NUBPL: variants seen among roughly 807,000 people sequenced by gnomAD.
NUBPL encodes NUBP iron-sulfur cluster assembly factor, mitochondrial, also known as iron-sulfur cluster transfer protein NUBPL.
Under a neutral mutation model 45.7 loss-of-function variants are expected in NUBPL, and 31 were observed. The observed-to-expected ratio is 0.68, with a 90% CI of 0.51 to 0.92. The LOEUF (loss-of-function observed/expected upper bound fraction) is 0.92. NUBPL is among the 40% of genes least tolerant of loss of function. The pLI is 0.00. For synonymous variants in NUBPL, 144 were observed against 140.9 expected (o/e 1.02, Z -0.15); for missense variants, 401 against 398.7 (o/e 1.01, Z -0.05).
intron 4 of NUBPL, among the ~76,000 whole-genome samples, chr14:31,658,662 G>A (rs34977423): frequency 0.51 from 77,730 of 151,680 alleles, 21,472 homozygotes; most frequent in African/African-American, 0.74. Flanking sequence ...TCAGGCACGC[G>A]CTACCATGCC....
In NUBPL at chr14:31,565,038, CG is replaced by C; in HGVS notation, c.282del (p.Asn95ThrfsTer10). 6.5e-7 allele frequency: 1 copy of C among 1,549,306 alleles called. No homozygotes were observed. Among genetic ancestry groups the C allele is most frequent in the African/African-American group, 1.3e-5 (1 of 74,084 alleles). ...TAVNLALALA[A>X]NDSSKAIGLL... ...GTGAATCTTGCACTTGCACTAGCAGCGAACGATTCGGTAGGTGTTTATTAAT... is the reference window on the plus strand; with the variant it reads ...GTGAATCTTGCACTTGCACTAGCAGCAACGATTCGGTAGGTGTTTATTAAT... On this transcript the variant is annotated frameshift_variant, in exon 3 of 11. Coordinates refer to ENST00000281081, the MANE Select transcript of NUBPL (RefSeq NM_025152.3). LOFTEE classifies it high-confidence loss of function.
intron 8 of NUBPL, chr14:31,845,844 C>T (rs114565809): frequency 3.6e-4 from 55 of 154,482 alleles, no homozygotes; most frequent in African/African-American, 1.3e-3. Flanking sequence ...CTCTGTTCCT[C>T]CCTTCTTATT....
At chr14:31,691,532 C>T (rs2037094070) in intron 6 of NUBPL, among the ~76,000 whole-genome samples, 1 of 151,960 alleles carries the variant, frequency 6.6e-6, no homozygotes, top group Admixed American at 6.6e-5. Flanking sequence ...AATCTGGTAA[C>T]CCTAGATGGA....
intron 6 of NUBPL, among the ~76,000 whole-genome samples, chr14:31,715,995 A>T (rs1334707169): frequency 1.3e-5 from 2 of 151,318 alleles, no homozygotes; most frequent in East Asian, 3.9e-4. Context: ...TTCTGTTAAA[A>T]TTTTTTTTTC....
chr14:31,804,483 C>T (rs369059605), intron 7 of NUBPL, among the ~76,000 whole-genome samples: 19 of 152,236 alleles, frequency 1.2e-4, no homozygotes, highest in African/African-American at 4.6e-4. Context: ...TGTTTGAATT[C>T]CCTGAATACC....
rs531250458 is a variant in NUBPL, at chr14:31,827,443, T to G, written c.693+729T>G. Reference sequence around the variant, plus strand: ...GTTCTTAGAAAGAAGAACCTGTGTATGTAATGAACACACTCTCATCACCTT... The same window carrying G: ...GTTCTTAGAAAGAAGAACCTGTGTAGGTAATGAACACACTCTCATCACCTT... On this transcript the variant is annotated intron_variant, in intron 8 of 10. Coordinates refer to ENST00000281081, the MANE Select transcript of NUBPL (RefSeq NM_025152.3). 6.6e-4 allele frequency among the ~76,000 whole-genome samples: 101 copies of G among 152,136 alleles called. 1 individual carries two copies. The South Asian group carries it at 0.02, about 30-fold the overall frequency.
At chr14:31,855,906 T>C (rs79095821) in intron 10 of NUBPL, among the ~76,000 whole-genome samples, 2,249 of 152,294 alleles carry the variant, frequency 0.015, 37 homozygotes, top group African/African-American at 0.045. Flanking sequence ...TCCTTATCTG[T>C]AAAGTCGGGA....
chr14:31,574,358 G>A (rs201833262), intron 3 of NUBPL, among the ~76,000 whole-genome samples: 16 of 151,710 alleles, frequency 1.1e-4, no homozygotes, highest in African/African-American at 2.9e-4. Flanking sequence ...TCTGTCTCCC[G>A]GGTTCAGGGG....
At chr14:31,820,738 T>A (rs1595677491) in intron 7 of NUBPL, among the ~76,000 whole-genome samples, 1 of 150,646 alleles carries the variant, frequency 6.6e-6, no homozygotes, top group East Asian at 2.0e-4. Context: ...GCAAGAGAAT[T>A]GCTTGAATCC....
intron 6 of NUBPL, among the ~76,000 whole-genome samples, chr14:31,739,173 C>G (rs890425163): frequency 3.0e-5 from 4 of 134,508 alleles, no homozygotes; most frequent in Non-Finnish European, 6.3e-5. Context: ...GCCACCACAC[C>G]TGGCTAATAT....
At chr14:31,735,518 G>A (rs540787649) in intron 6 of NUBPL, among the ~76,000 whole-genome samples, 5 of 152,210 alleles carry the variant, frequency 3.3e-5, no homozygotes, top group African/African-American at 7.2e-5. Flanking sequence ...GTTTCCCACC[G>A]TTTTATTAAT....
Position 31,712,380 on chromosome 14 carries a change from G to C in NUBPL, c.513+38806G>C, listed in dbSNP as rs116376854. Among the ~76,000 whole-genome samples, 330 of 152,350 alleles carry C rather than the reference G, an allele frequency of 2.2e-3. 3 individuals carry two copies. The highest frequency in any genetic ancestry group is 7.5e-3 in the African/African-American group (313 of 41,592). On this transcript the variant is annotated intron_variant, in intron 6 of 10. Coordinates refer to ENST00000281081, the MANE Select transcript of NUBPL (RefSeq NM_025152.3). Reference sequence around the variant, plus strand: ...CCCCGGCACTCTGGCAGCCCAGAGGGAGTTCGTCCCCTGATCAAGCCCAGC... The same window carrying C: ...CCCCGGCACTCTGGCAGCCCAGAGGCAGTTCGTCCCCTGATCAAGCCCAGC...
intron 4 of NUBPL, among the ~76,000 whole-genome samples, chr14:31,671,558 C>G (rs2036570684): frequency 6.6e-6 from 1 of 152,098 alleles, no homozygotes; most frequent in African/African-American, 2.4e-5. Flanking sequence ...AATCTGTATT[C>G]ATATGGTAAT....
chr14:31,684,214 C>A (rs1225901172), intron 6 of NUBPL, among the ~76,000 whole-genome samples: 3 of 152,148 alleles, frequency 2.0e-5, no homozygotes, highest in Non-Finnish European at 4.4e-5. Flanking sequence ...ATGGTAGTTA[C>A]CTCATCATGG....
intron 4 of NUBPL, among the ~76,000 whole-genome samples, chr14:31,660,346 TC>T (rs1223819268): frequency 6.6e-6 from 1 of 152,174 alleles, no homozygotes; most frequent in East Asian, 1.9e-4. Context: ...CACCTAAAGT[TC>T]TTCTGAGAGA....
chr14:31,596,272 T>A (rs1448927944), intron 3 of NUBPL, among the ~76,000 whole-genome samples: 1 of 151,794 alleles, frequency 6.6e-6, no homozygotes, highest in Admixed American at 6.6e-5. Context: ...AGTAAAATAG[T>A]CTGAAAAGAG....
intron 4 of NUBPL, among the ~76,000 whole-genome samples, chr14:31,604,179 GAAAA>G (rs34844125): frequency 8.2e-6 from 1 of 121,966 alleles, no homozygotes; most frequent in Admixed American, 8.0e-5. Context: ...TGGAAAGGCT[GAAAA>G]AAAAAAAAAA....
Position 31,620,607 on chromosome 14 carries a change from A to G in NUBPL, c.382+21228A>G, listed in dbSNP as rs2035032880. Among the ~76,000 whole-genome samples, 3 of 152,230 alleles carry G rather than the reference A, an allele frequency of 2.0e-5. No homozygotes were observed. The South Asian group carries it at 6.2e-4, about 32-fold the overall frequency. Reference sequence around the variant, plus strand: ...TCCTGTTTGCCTGGGTATCACCAGTAGAGGCTGCAGAGCAGCAAAGATTCC... The same window carrying G: ...TCCTGTTTGCCTGGGTATCACCAGTGGAGGCTGCAGAGCAGCAAAGATTCC... On this transcript the variant is annotated intron_variant, in intron 4 of 10. Coordinates refer to ENST00000281081, the MANE Select transcript of NUBPL (RefSeq NM_025152.3).
chr14:31,807,701 C>A (rs952716594), intron 7 of NUBPL, among the ~76,000 whole-genome samples: 1 of 152,190 alleles, frequency 6.6e-6, no homozygotes, highest in Non-Finnish European at 1.5e-5. Context: ...CTTACCTGTG[C>A]TTATGTCCTC....
Sources: gnomAD v4.1 joint callset for allele counts (sites outside exome capture counted in the v4.1 genomes callset) on GRCh38, gnomAD v4.1.1 for gene constraint, MANE v1.5 for transcripts, NCBI Gene and HGNC (gene_info 2026-07-23, HGNC 2026-07-21) for gene names.